The following SLC44A5 variants were observed in gnomAD, a reference collection of about 807,000 sequenced individuals.
SLC44A5 encodes the protein solute carrier family 44 member 5, also known as choline transporter-like protein 5.
A neutral mutation model predicts 101.8 loss-of-function variants in SLC44A5; 57 were observed. That is an observed-to-expected ratio of 0.56 (90% CI 0.45 to 0.70). The LOEUF (loss-of-function observed/expected upper bound fraction) is 0.70, where lower values mean the gene tolerates loss of function less well. Ranked by LOEUF, SLC44A5 falls within the 30% of genes least tolerant of loss-of-function variation. The probability of loss-of-function intolerance (pLI) is 0.00; values close to 1 mark genes in which losing one functional copy is unlikely to be tolerated. For synonymous variants in SLC44A5, 281 were observed against 290.9 expected (o/e 0.97, Z 0.35); for missense variants, 737 against 853.1 (o/e 0.86, Z 1.70).
chr1:75,259,688 A>G (rs1181786353), intron 6 of SLC44A5, among the ~76,000 whole-genome samples: 1 of 152,130 alleles, frequency 6.6e-6, no homozygotes, highest in Non-Finnish European at 1.5e-5. Flanking sequence ...AACACCACAA[A>G]GATATTCCTT....
At chr1:75,276,032 AT>A (rs1194899037) in intron 5 of SLC44A5, among the ~76,000 whole-genome samples, 1 of 152,206 alleles carries the variant, frequency 6.6e-6, no homozygotes, top group Non-Finnish European at 1.5e-5. Context: ...AGATAAAAAA[AT>A]CAATTCTGTA....
At position 75,375,723 on chromosome 1, in the gene SLC44A5, A is replaced by G. The variant is rs1252491416; in HGVS notation, c.52+20860T>C. On this transcript the variant is annotated intron_variant, in intron 3 of 23. Coordinates refer to ENST00000370859, the MANE Select transcript of SLC44A5 (RefSeq NM_001130058.2). ...GCATTCTTGAAGTAAAGAAATACCA[A>G]CCAAGTATTTTGTATCTCACCAAAC... Among the ~76,000 whole-genome samples, 4 of 152,220 alleles carry G rather than the reference A, an allele frequency of 2.6e-5. No homozygotes were observed. The East Asian group carries it at 5.8e-4, about 22-fold the overall frequency.
chr1:75,621,234 A>G, the SLC44A5 span, among the ~76,000 whole-genome samples: 1 of 152,308 alleles, frequency 6.6e-6, no homozygotes, highest in South Asian at 2.1e-4. Flanking sequence ...TATTTCCCTT[A>G]AAGGATAGTT....
chr1:75,615,436 TACAC>T (rs56337760), upstream of SLC44A5, among the ~76,000 whole-genome samples: 2,303 of 133,572 alleles, frequency 0.017, 65 homozygotes, highest in African/African-American at 0.06. Context: ...CACACATACA[TACAC>T]ACACACACAC....
In SLC44A5 at chr1:75,503,772, G is replaced by A. The variant is rs1012279707; in HGVS notation, c.13+37663C>T. On this transcript the variant is annotated intron_variant, in intron 2 of 23. Transcript: ENST00000370859. The stretch of plus-strand genomic sequence containing the variant: ...AGAAAAAGATTGTGTCTACATAAAC[G>A]GCCATGGAACTACTCTGACAATAAT... 5.9e-5 allele frequency among the ~76,000 whole-genome samples: 9 copies of A among 152,162 alleles called. No individual in the cohort carries two copies. In the East Asian group the frequency reaches 7.7e-4, roughly 13 times the overall value.
At chr1:75,602,846 TTG>T (rs1479416979) in intron 1 of SLC44A5, among the ~76,000 whole-genome samples, 2 of 152,146 alleles carry the variant, frequency 1.3e-5, no homozygotes, top group Non-Finnish European at 1.5e-5. Flanking sequence ...ATTTTTAAAC[TTG>T]TACGTACAAA....
chr1:75,349,725 C>A (rs1230138448), intron 3 of SLC44A5, among the ~76,000 whole-genome samples: 1 of 151,834 alleles, frequency 6.6e-6, no homozygotes, highest in Admixed American at 6.6e-5. Context: ...TTAATAAAGT[C>A]TTGTGGGGTT....
chr1:75,561,972 A>G (rs2024773), intron 1 of SLC44A5, among the ~76,000 whole-genome samples: 119,578 of 151,946 alleles, frequency 0.79, 47,340 homozygotes, highest in East Asian at 0.95. Context: ...GGAGGAGGTA[A>G]AGGAGAAGAA....
chr1:75,654,752 T>G, the SLC44A5 span, among the ~76,000 whole-genome samples: 128 of 152,186 alleles, frequency 8.4e-4, no homozygotes, highest in African/African-American at 3.0e-3. Context: ...AAATAAAGAC[T>G]ACATCAGCAT....
intron 4 of SLC44A5, among the ~76,000 whole-genome samples, chr1:75,303,484 T>C (rs1196208046): frequency 2.6e-5 from 4 of 152,220 alleles, no homozygotes; most frequent in Non-Finnish European, 5.9e-5. Flanking sequence ...TCCACCCACC[T>C]TGGCCTCCCA....
chr1:75,395,355 C>A (rs1323319892), intron 3 of SLC44A5, among the ~76,000 whole-genome samples: 1 of 152,088 alleles, frequency 6.6e-6, no homozygotes, highest in Non-Finnish European at 1.5e-5. Flanking sequence ...TAGGAAAAAA[C>A]CATCTGCTGA....
At chr1:75,232,501 G>C (rs1010734498) in intron 12 of SLC44A5, among the ~76,000 whole-genome samples, 2 of 152,020 alleles carry the variant, frequency 1.3e-5, no homozygotes, top group Admixed American at 6.6e-5. Context: ...TCCTGGACCA[G>C]ACTGATCCAC....
At chr1:75,265,813 T>A (rs552724742) in intron 6 of SLC44A5, among the ~76,000 whole-genome samples, 1 of 152,200 alleles carries the variant, frequency 6.6e-6, no homozygotes, top group Non-Finnish European at 1.5e-5. Context: ...GTAATGGTGC[T>A]ACATCAGACA....
chr1:75,693,937 A>T, the SLC44A5 span, among the ~76,000 whole-genome samples: 13 of 152,044 alleles, frequency 8.6e-5, no homozygotes, highest in Admixed American at 7.9e-4. Context: ...GGGAGGGTTT[A>T]AGAGAGAATG....
At chr1:75,219,954 T>C (rs983506595) in intron 14 of SLC44A5, 62 bp from the exon 15 acceptor site, 18 of 1,136,576 alleles carry the variant, frequency 1.6e-5, no homozygotes, top group African/African-American at 3.2e-5. Flanking sequence ...TTAGACTGAA[T>C]TGATTCTAAG....
chr1:75,517,969 G>A (rs1018424493), intron 2 of SLC44A5, among the ~76,000 whole-genome samples: 15 of 152,186 alleles, frequency 9.9e-5, no homozygotes, highest in African/African-American at 3.6e-4. Context: ...GTCAATGGCA[G>A]TGAGAGTAGT....
intron 3 of SLC44A5, among the ~76,000 whole-genome samples, chr1:75,371,578 A>T (rs1344182120): frequency 6.6e-6 from 1 of 152,210 alleles, no homozygotes; most frequent in African/African-American, 2.4e-5. Context: ...AAAAAATGAA[A>T]AACAGTGGAG....
intron 2 of SLC44A5, among the ~76,000 whole-genome samples, chr1:75,513,509 G>C (rs1335886208): frequency 6.6e-6 from 1 of 152,166 alleles, no homozygotes; most frequent in East Asian, 1.9e-4. Flanking sequence ...TTGATTTGTA[G>C]AATATATCAG....
At chr1:75,438,812 A>G (rs1397593059) in intron 2 of SLC44A5, among the ~76,000 whole-genome samples, 1 of 152,128 alleles carries the variant, frequency 6.6e-6, no homozygotes, top group Non-Finnish European at 1.5e-5. Context: ...AAAATCACCT[A>G]ACACACCATA....
Sources: gnomAD v4.1 joint callset for allele counts (sites outside exome capture counted in the v4.1 genomes callset) on GRCh38, gnomAD v4.1.1 for gene constraint, MANE v1.5 for transcripts, NCBI Gene and HGNC (gene_info 2026-07-23, HGNC 2026-07-21) for gene names.